The following TBC1D22A variants were observed in gnomAD, a reference collection of about 807,000 sequenced individuals.
TBC1D22A encodes the protein putative GTPase activator.
In TBC1D22A, 38 loss-of-function variants were observed where a neutral mutation model predicts 60.2. The ratio of observed to expected loss-of-function variants is 0.63; its 90% CI spans 0.49 to 0.83. The LOEUF (loss-of-function observed/expected upper bound fraction) is 0.83, where lower values mean the gene tolerates loss of function less well. Among genes scored for constraint, TBC1D22A ranks in the 40% least tolerant of loss-of-function variants. TBC1D22A has a pLI of 0.00. For synonymous variants in TBC1D22A, 302 were observed against 281.7 expected (o/e 1.07, Z -0.72); for missense variants, 628 against 701.0 (o/e 0.90, Z 1.18).
chr22:46,947,171 C>G (rs997926858), intron 8 of TBC1D22A, among the ~76,000 whole-genome samples: 5 of 152,080 alleles, frequency 3.3e-5, no homozygotes, highest in African/African-American at 4.8e-5. Context: ...TAATAGGTCC[C>G]CAGTTTGAAT....
At chr22:46,947,632 C>T (rs536490669) in intron 8 of TBC1D22A, among the ~76,000 whole-genome samples, 2 of 152,310 alleles carry the variant, frequency 1.3e-5, no homozygotes, top group Admixed American at 6.5e-5. Context: ...CTGTGTTGCA[C>T]GTCCTAGTTT....
At chr22:46,855,716 C>T (rs913942742) in intron 4 of TBC1D22A, among the ~76,000 whole-genome samples, 27 of 152,064 alleles carry the variant, frequency 1.8e-4, no homozygotes, top group African/African-American at 6.3e-4. Context: ...CTGACCGTGC[C>T]GTGTGGGTTG....
Position 47,139,808 on chromosome 22 carries a change from C to T in TBC1D22A, c.1425+28205C>T, listed in dbSNP as rs6008043. Among the ~76,000 whole-genome samples the T allele has an allele frequency of 5.5e-3, 835 of 152,336 alleles. 11 individuals are homozygous for T. Among genetic ancestry groups the T allele is most frequent in the African/African-American group, 0.018 (767 of 41,578 alleles). Reference sequence around the variant, plus strand: ...AGAAGCCCCGCTCTCACTGCCTCACCGCCCTGCTTATGTCTCCAGATAATC... The same window carrying T: ...AGAAGCCCCGCTCTCACTGCCTCACTGCCCTGCTTATGTCTCCAGATAATC... On this transcript the variant is annotated intron_variant, in intron 12 of 12. Transcript: ENST00000337137.
intron 11 of TBC1D22A, among the ~76,000 whole-genome samples, chr22:47,086,436 CAA>C (rs974841519): frequency 5.3e-5 from 8 of 152,124 alleles, no homozygotes; most frequent in African/African-American, 9.7e-5. Flanking sequence ...GCCTGGGCGA[CAA>C]GAGTGAAACC....
At chr22:46,920,688 G>C (rs926174050) in intron 8 of TBC1D22A, among the ~76,000 whole-genome samples, 2 of 152,004 alleles carry the variant, frequency 1.3e-5, no homozygotes, top group Admixed American at 6.6e-5. Flanking sequence ...AAGTTTTTGT[G>C]TTTATAGAGC....
At chr22:47,126,463 C>T (rs973958622) in intron 12 of TBC1D22A, among the ~76,000 whole-genome samples, 6 of 152,188 alleles carry the variant, frequency 3.9e-5, no homozygotes, top group African/African-American at 7.2e-5. Context: ...TAGGCCCCGC[C>T]GGGGCCCACA....
At chr22:47,013,573 G>A (rs1012573834) in intron 10 of TBC1D22A, among the ~76,000 whole-genome samples, 8 of 152,162 alleles carry the variant, frequency 5.3e-5, no homozygotes, top group Non-Finnish European at 8.8e-5. Flanking sequence ...TTCATTTTAA[G>A]GAACCAGTGT....
At chr22:47,025,645 TAAGCA>T (rs1419961894) in intron 10 of TBC1D22A, among the ~76,000 whole-genome samples, 1 of 152,232 alleles carries the variant, frequency 6.6e-6, no homozygotes, top group African/African-American at 2.4e-5. Flanking sequence ...CCTATAGCAC[TAAGCA>T]GTACTTAGAG....
At chr22:47,020,405 G>A (rs896528202) in intron 10 of TBC1D22A, among the ~76,000 whole-genome samples, 8 of 152,256 alleles carry the variant, frequency 5.3e-5, no homozygotes, top group Admixed American at 2.0e-4. Context: ...GACTTGGGTT[G>A]CATCAGCAAT....
chr22:46,795,579 C>T (rs1315521786), intron 3 of TBC1D22A, among the ~76,000 whole-genome samples: 1 of 152,248 alleles, frequency 6.6e-6, no homozygotes, highest in Admixed American at 6.5e-5. Flanking sequence ...CTCCCACTTG[C>T]CTGCCTTGGA....
At chr22:46,770,546 A>G (rs1383248887) in intron 1 of TBC1D22A, among the ~76,000 whole-genome samples, 1 of 152,244 alleles carries the variant, frequency 6.6e-6, no homozygotes, top group Non-Finnish European at 1.5e-5. Flanking sequence ...CTCCCTCAGC[A>G]GAGTCCTGCA....
chr22:46,891,695 G>A (rs1352649706), intron 6 of TBC1D22A, among the ~76,000 whole-genome samples: 1 of 152,202 alleles, frequency 6.6e-6, no homozygotes, highest in Non-Finnish European at 1.5e-5. Flanking sequence ...GGGTGATGGT[G>A]GGAGTTTGTA....
Position 46,886,720 on chromosome 22 carries a change from A to G in TBC1D22A, c.709-4546A>G, listed in dbSNP as rs1333377757. ...ATGATGGAAGCCAGTGTCACCTTCA[A>G]AATGGATGTTTTAGAGCACGGTTGG... On this transcript the variant is annotated intron_variant, in intron 5 of 12. Transcript: ENST00000337137. Among the ~76,000 whole-genome samples, 3 of 152,218 alleles carry G rather than the reference A, an allele frequency of 2.0e-5. No individual in the cohort carries two copies. In the East Asian group the frequency reaches 5.8e-4, roughly 29 times the overall value.
At chr22:46,844,750 C>T (rs2086917606) in intron 4 of TBC1D22A, among the ~76,000 whole-genome samples, 2 of 152,218 alleles carry the variant, frequency 1.3e-5, no homozygotes. Context: ...TTGCAGGCAT[C>T]ATAGCAGTTG....
intron 10 of TBC1D22A, among the ~76,000 whole-genome samples, chr22:47,003,791 A>T (rs2061483437): frequency 7.2e-6 from 1 of 138,182 alleles, no homozygotes; most frequent in East Asian, 2.3e-4. Flanking sequence ...CACCCTACAC[A>T]CACATGCCTG....
chr22:46,929,800 G>A (rs925005722), intron 8 of TBC1D22A, among the ~76,000 whole-genome samples: 13 of 152,150 alleles, frequency 8.5e-5, no homozygotes, highest in African/African-American at 3.1e-4. Flanking sequence ...GGAATCCGTG[G>A]ACTGCAGGCC....
At chr22:46,877,314 T>C (rs1169063300) in intron 4 of TBC1D22A, among the ~76,000 whole-genome samples, 1 of 152,262 alleles carries the variant, frequency 6.6e-6, no homozygotes, top group African/African-American at 2.4e-5. Context: ...TCATTATGTA[T>C]ATTCAGGATT....
At chr22:46,942,013 ATATATATATATAT>A (rs1382030108) in intron 8 of TBC1D22A, among the ~76,000 whole-genome samples, 3 of 136,328 alleles carry the variant, frequency 2.2e-5, no homozygotes, top group African/African-American at 8.2e-5. Context: ...GCATACATAT[ATATATATATATAT>A]TATATATATA....
chr22:46,979,419 G>C (rs1486337826), intron 9 of TBC1D22A, among the ~76,000 whole-genome samples: 1 of 152,228 alleles, frequency 6.6e-6, no homozygotes, highest in East Asian at 1.9e-4. Context: ...TGATTTGTCT[G>C]CTAGTCCTTC....
Sources: gnomAD v4.1 joint callset for allele counts (sites outside exome capture counted in the v4.1 genomes callset) on GRCh38, gnomAD v4.1.1 for gene constraint, MANE v1.5 for transcripts, NCBI Gene and HGNC (gene_info 2026-07-23, HGNC 2026-07-21) for gene names.